The following SCTR variants were observed in gnomAD, a reference collection of about 807,000 sequenced individuals.
The protein encoded by SCTR is secretin receptor, also known as pancreatic secretin receptor.
In SCTR, 56 loss-of-function variants were observed where a neutral mutation model predicts 60.8. The observed-to-expected ratio is 0.92, with a 90% CI of 0.74 to 1.15. The LOEUF is 1.15. SCTR is among the 50% of genes most tolerant of loss of function. SCTR has a pLI of 0.00. For missense variants in SCTR, 562 were observed against 550.4 expected (o/e 1.02, Z -0.21); for synonymous variants, 202 against 217.0 (o/e 0.93, Z 0.61).
intron 1 of SCTR, among the ~76,000 whole-genome samples, chr2:119,503,663 A>G (rs906606673): frequency 1.3e-5 from 2 of 152,192 alleles, no homozygotes; most frequent in African/African-American, 4.8e-5. Flanking sequence ...GAATGGAAGA[A>G]TAGGTGGAAC....
At chr2:119,482,401 C>T (rs1366976224) in intron 2 of SCTR, among the ~76,000 whole-genome samples, 2 of 152,162 alleles carry the variant, frequency 1.3e-5, no homozygotes, top group African/African-American at 4.8e-5. Flanking sequence ...TCCCAGGAGC[C>T]ACAAGGGCAG....
intron 1 of SCTR, among the ~76,000 whole-genome samples, chr2:119,498,464 G>T (rs1446581846): frequency 6.6e-6 from 1 of 152,122 alleles, no homozygotes; most frequent in African/African-American, 2.4e-5. Context: ...GGGTAAATGC[G>T]ATAGGTTTTC....
intron 7 of SCTR, among the ~76,000 whole-genome samples, chr2:119,458,605 A>G (rs868357108): frequency 0.051 from 7,746 of 152,156 alleles, 629 homozygotes; most frequent in African/African-American, 0.17. Context: ...TCTCTCAAAA[A>G]AAAAAAAAAA....
intron 2 of SCTR, among the ~76,000 whole-genome samples, chr2:119,488,921 A>G (rs1470743754): frequency 6.6e-6 from 1 of 152,124 alleles, no homozygotes; most frequent in African/African-American, 2.4e-5. Flanking sequence ...GGCTGACTCT[A>G]TTTGCTTTCT....
chr2:119,465,271 G>T (rs1304960595), intron 5 of SCTR, among the ~76,000 whole-genome samples: 5 of 152,186 alleles, frequency 3.3e-5, no homozygotes, highest in African/African-American at 7.2e-5. Flanking sequence ...AACTGCTGGT[G>T]GTTGTCTCTG....
chr2:119,479,711 C>T (rs1677511817), intron 2 of SCTR: 1 of 152,178 alleles, frequency 6.6e-6, no homozygotes, highest in Non-Finnish European at 1.5e-5. Context: ...CACTTGAGTT[C>T]CCTTGATGAG....
intron 1 of SCTR, among the ~76,000 whole-genome samples, chr2:119,497,261 G>A (rs2104908881): frequency 6.6e-6 from 1 of 152,058 alleles, no homozygotes; most frequent in Middle Eastern, 3.4e-3. Context: ...CACTCTGCAG[G>A]TGTCAAATAA....
chr2:119,485,047 T>C (rs780319848), intron 2 of SCTR, among the ~76,000 whole-genome samples: 9 of 152,194 alleles, frequency 5.9e-5, no homozygotes, highest in Non-Finnish European at 1.2e-4. Context: ...GAGGGGCCAG[T>C]GGCCCAGGAT....
chr2:119,439,872 C>A lies in SCTR; in HGVS notation c.*245G>T, dbSNP rs954875535. 4.0e-6 allele frequency: 2 copies of A among 496,976 alleles called. No individual in the cohort carries two copies. Among genetic ancestry groups the A allele is most frequent in the South Asian group, 6.8e-5 (2 of 29,252 alleles). 30.8% of individuals were successfully genotyped at this position (496,976 alleles called of 1,614,324 possible). ...ATCTCATCCCAGGCACCATTTATTT[C>A]CCTGTCCCTTTCTGGGACCCCTGAA... On this transcript the variant is annotated 3_prime_UTR_variant, in exon 13 of 13. Transcript: ENST00000019103.
chr2:119,520,033 G>C (rs542010429), intron 1 of SCTR, among the ~76,000 whole-genome samples: 1 of 152,204 alleles, frequency 6.6e-6, no homozygotes, highest in South Asian at 2.1e-4. Context: ...TCAGCAGAGT[G>C]TCTGGTAGAA....
intron 8 of SCTR, among the ~76,000 whole-genome samples, chr2:119,452,544 A>G (rs1017306302): frequency 6.6e-6 from 1 of 152,176 alleles, no homozygotes. Context: ...TGCCACAAGG[A>G]AAAATGGAAC....
chr2:119,485,602 G>C (rs1262329248), intron 2 of SCTR, among the ~76,000 whole-genome samples: 1 of 152,224 alleles, frequency 6.6e-6, no homozygotes, highest in Non-Finnish European at 1.5e-5. Context: ...GAACAGCCCG[G>C]CCCCCGGGGC....
chr2:119,497,078 G>A (rs1678378210), intron 1 of SCTR, among the ~76,000 whole-genome samples: 1 of 152,162 alleles, frequency 6.6e-6, no homozygotes, highest in South Asian at 2.1e-4. Context: ...AAGTAACAAG[G>A]TCCTCCTCTT....
At chr2:119,474,165 G>A (rs1677159855) in intron 3 of SCTR, among the ~76,000 whole-genome samples, 1 of 152,162 alleles carries the variant, frequency 6.6e-6, no homozygotes, top group Non-Finnish European at 1.5e-5. Flanking sequence ...CCCCACCCCT[G>A]GCACGAGGAC....
intron 1 of SCTR, among the ~76,000 whole-genome samples, chr2:119,501,164 A>T (rs1678536822): frequency 6.6e-6 from 1 of 152,202 alleles, no homozygotes; most frequent in African/African-American, 2.4e-5. Flanking sequence ...TAATCCCAGC[A>T]CTTTGGGAGG....
chr2:119,486,622 T>G (rs1677878677), intron 2 of SCTR: 1 of 152,232 alleles, frequency 6.6e-6, no homozygotes, highest in South Asian at 2.1e-4. Flanking sequence ...ACAGCTCAGT[T>G]GTGCTGTGTT....
At chr2:119,514,467 A>G (rs1447727791) in intron 1 of SCTR, among the ~76,000 whole-genome samples, 1 of 152,240 alleles carries the variant, frequency 6.6e-6, no homozygotes, top group African/African-American at 2.4e-5. Flanking sequence ...CAAAGAAGAC[A>G]CAAATAAGAG....
Position 119,494,538 on chromosome 2 carries a change from A to G in SCTR, c.83T>C (p.Leu28Pro). 6.2e-7 allele frequency: 1 copy of G among 1,613,794 alleles called. No individual in the cohort carries two copies. Among genetic ancestry groups the G allele is most frequent in the Non-Finnish European group, 8.5e-7 (1 of 1,179,770 alleles). ...TTGTAGCACGTCACATAGTCGGGGA[A>G]GGGCTCCAGTCTGCAAGTCCAAAAC... ...LACAAHSTGALPRLCDVLQVL... is the reference protein window; with the variant it reads ...LACAAHSTGAPPRLCDVLQVL... Residue 28 changes from leucine to proline, a missense_variant, in exon 2 of 13, where the codon CTT (leucine) becomes CCT (proline). By Grantham distance (98) the Leu-to-Pro change is moderately conservative (BLOSUM62 -3). Transcript: ENST00000019103.
At chr2:119,463,468 G>A (rs1192881624) in intron 6 of SCTR, among the ~76,000 whole-genome samples, 3 of 152,198 alleles carry the variant, frequency 2.0e-5, no homozygotes, top group African/African-American at 7.2e-5. Context: ...AAGGATGGCA[G>A]TGCGGAAACA....
Sources: gnomAD v4.1 joint callset for allele counts (sites outside exome capture counted in the v4.1 genomes callset) on GRCh38, gnomAD v4.1.1 for gene constraint, MANE v1.5 for transcripts, NCBI Gene and HGNC (gene_info 2026-07-23, HGNC 2026-07-21) for gene names.